KIF1B: variants seen among roughly 807,000 people sequenced by gnomAD.
KIF1B encodes kinesin family member 1B.
KIF1B carries 76 observed loss-of-function variants against 241.9 expected under a neutral mutation model. The observed-to-expected ratio is 0.31, with a 90% CI of 0.26 to 0.38. KIF1B has a LOEUF of 0.38. Ranked by LOEUF, KIF1B falls within the 10% of genes least tolerant of loss-of-function variation. The pLI is 1.00. For synonymous variants in KIF1B, 750 were observed against 796.7 expected (o/e 0.94, Z 0.99); for missense variants, 1,622 against 2,271.4 (o/e 0.71, Z 5.81).
chr1:10,328,706 G>A (rs1021531490), intron 27 of KIF1B, among the ~76,000 whole-genome samples: 20 of 152,210 alleles, frequency 1.3e-4, no homozygotes, highest in African/African-American at 4.8e-4. Context: ...TACCATTGCA[G>A]TGAAGAGTAG....
intron 12 of KIF1B, among the ~76,000 whole-genome samples, chr1:10,277,119 A>G (rs920841908): frequency 8.6e-5 from 13 of 151,886 alleles, no homozygotes; most frequent in Admixed American, 6.6e-4. Context: ...ATAATAAGTA[A>G]TAAAATTATA....
At chr1:10,367,594 G>C (rs966174225) in intron 43 of KIF1B, among the ~76,000 whole-genome samples, 1 of 151,246 alleles carries the variant, frequency 6.6e-6, no homozygotes, top group Non-Finnish European at 1.5e-5. Flanking sequence ...GAGTGCAGTG[G>C]TGCGATCTCG....
chr1:10,357,802 A>C (rs867372580), intron 38 of KIF1B, among the ~76,000 whole-genome samples: 1 of 152,076 alleles, frequency 6.6e-6, no homozygotes, highest in Non-Finnish European at 1.5e-5. Context: ...TGAGGTCAGG[A>C]GTTCGAGACC....
At chr1:10,237,572 G>A (rs1419358185) in intron 2 of KIF1B, among the ~76,000 whole-genome samples, 5 of 152,134 alleles carry the variant, frequency 3.3e-5, no homozygotes, top group African/African-American at 1.2e-4. Context: ...AATCTTGGTT[G>A]GGATAGAAGT....
chr1:10,261,845 G>A, intron 4 of KIF1B, 60 bp from the exon 5 acceptor site: 2 of 1,049,950 alleles, frequency 1.9e-6, no homozygotes, highest in Non-Finnish European at 3.0e-6. Context: ...GAGCACGCGT[G>A]GATGACTTAG....
At chr1:10,311,491 G>T (rs1238664629) in intron 22 of KIF1B, among the ~76,000 whole-genome samples, 1 of 151,286 alleles carries the variant, frequency 6.6e-6, no homozygotes, top group Non-Finnish European at 1.5e-5. Context: ...GGGATTACGG[G>T]TGTGAGCCAC....
chr1:10,285,624 T>C (rs1171734587), intron 15 of KIF1B, among the ~76,000 whole-genome samples: 1 of 152,224 alleles, frequency 6.6e-6, no homozygotes, highest in Non-Finnish European at 1.5e-5. Flanking sequence ...CCTTAGTGTT[T>C]TGTGTTGTCT....
At chr1:10,315,561 A>G (rs1368892999) in intron 22 of KIF1B, among the ~76,000 whole-genome samples, 6 of 151,462 alleles carry the variant, frequency 4.0e-5, no homozygotes, top group Non-Finnish European at 8.8e-5. Context: ...TGTACAGTCC[A>G]TTTTCAAATT....
At chr1:10,306,162 T>TC (rs1324444990) in intron 22 of KIF1B, 2 of 1,039,894 alleles carry the variant, frequency 1.9e-6, no homozygotes, top group Non-Finnish European at 2.3e-6. Flanking sequence ...AATGTTTTTT[T>TC]CCCCTTAAAA....
At chr1:10,214,179 T>G (rs771988928) in intron 1 of KIF1B, among the ~76,000 whole-genome samples, 18 of 152,192 alleles carry the variant, frequency 1.2e-4, no homozygotes, top group Non-Finnish European at 1.9e-4. Flanking sequence ...AACGGGCCAC[T>G]GATTCATTGA....
chr1:10,289,121 A>C (rs1649860277), intron 15 of KIF1B, among the ~76,000 whole-genome samples: 1 of 152,120 alleles, frequency 6.6e-6, no homozygotes, highest in Non-Finnish European at 1.5e-5. Context: ...CATCTCCATG[A>C]CCAGCATTTT....
At chr1:10,238,042 T>G (rs1000602172) in intron 2 of KIF1B, among the ~76,000 whole-genome samples, 2 of 151,702 alleles carry the variant, frequency 1.3e-5, no homozygotes, top group African/African-American at 4.8e-5. Flanking sequence ...AAATTTGGGA[T>G]GGAGGAAGGG....
chr1:10,266,860 AAT>A (rs1648490994), intron 5 of KIF1B, among the ~76,000 whole-genome samples: 1 of 152,300 alleles, frequency 6.6e-6, no homozygotes, highest in East Asian at 1.9e-4. Flanking sequence ...TATTCAGTGT[AAT>A]TACCTGTGCG....
intron 2 of KIF1B, among the ~76,000 whole-genome samples, chr1:10,234,255 T>C (rs1647019742): frequency 1.3e-5 from 2 of 152,102 alleles, no homozygotes; most frequent in Admixed American, 1.3e-4. Flanking sequence ...TCATCCAGGC[T>C]GGAGTGCAGT....
rs568763659 is a variant in KIF1B, at chr1:10,251,721, C to G, written c.107-4526C>G. 1.7e-3 allele frequency among the ~76,000 whole-genome samples: 249 copies of G among 148,596 alleles called. 2 individuals carry two copies. The highest frequency in any genetic ancestry group is 5.8e-3 in the African/African-American group (234 of 40,262). ...TGCACTCCAGCCTGGGCAACAAGAG[C>G]AAAACTCCGTCTCAAAAAAAAAAAA... On this transcript the variant is annotated intron_variant, in intron 2 of 48. Coordinates refer to ENST00000676179, the MANE Select transcript of KIF1B (RefSeq NM_001365951.3).
chr1:10,213,118 A>G (rs954847846), intron 1 of KIF1B, among the ~76,000 whole-genome samples: 1 of 151,826 alleles, frequency 6.6e-6, no homozygotes, highest in Non-Finnish European at 1.5e-5. Flanking sequence ...TTGAAATTCC[A>G]TGCCCTAAGT....
intron 1 of KIF1B, among the ~76,000 whole-genome samples, chr1:10,225,348 G>A (rs1646896375): frequency 6.6e-6 from 1 of 152,134 alleles, no homozygotes; most frequent in African/African-American, 2.4e-5. Context: ...AGCCGGGCAT[G>A]GTGGTGCACC....
At chr1:10,375,178 G>T (rs1638847778) in intron 47 of KIF1B, 77 bp from the exon 48 acceptor site, 12 of 1,463,538 alleles carry the variant, frequency 8.2e-6, no homozygotes, top group Admixed American at 1.7e-5. Context: ...AGTGCTATAT[G>T]CCTTGGGAAT....
At chr1:10,325,986 T>C in intron 26 of KIF1B, 125 bp from the exon 27 acceptor site, 1 of 1,290,562 alleles carries the variant, frequency 7.7e-7, no homozygotes, top group Non-Finnish European at 1.1e-6. Flanking sequence ...CCTTTTGCTT[T>C]TCCATTTGCT....
Sources: gnomAD v4.1 joint callset for allele counts (sites outside exome capture counted in the v4.1 genomes callset) on GRCh38, gnomAD v4.1.1 for gene constraint, MANE v1.5 for transcripts, NCBI Gene and HGNC (gene_info 2026-07-23, HGNC 2026-07-21) for gene names.